Variants in HEBP2 observed in about 807,000 individuals in gnomAD.
HEBP2 encodes heme binding protein 2, also known as heme-binding protein 2.
A neutral mutation model predicts 23.1 loss-of-function variants in HEBP2; 27 were observed. That is an observed-to-expected ratio of 1.17 (90% CI 0.86 to 1.61). The LOEUF is 1.61. Among genes scored for constraint, HEBP2 ranks in the 40% most tolerant of loss-of-function variants. HEBP2 has a pLI of 0.00. For synonymous variants in HEBP2, 99 were observed against 95.1 expected (o/e 1.04, Z -0.24); for missense variants, 245 against 253.8 (o/e 0.97, Z 0.24).
At chr6:138,406,872 T>TACCA (rs1774654423) in intron 3 of HEBP2, among the ~76,000 whole-genome samples, 1 of 151,710 alleles carries the variant, frequency 6.6e-6, no homozygotes, top group Non-Finnish European at 1.5e-5. Flanking sequence ...ACCAAATGTA[T>TACCA]ATATATATAT....
chr6:138,413,749 G>C lies in HEBP2; in HGVS notation c.*671G>C, dbSNP rs145380714. ...TTCATTCTTTAACTCATTGTAGGGA[G>C]TCCCTGCTATGTTCCAAGCACTCTG... On this transcript the variant is annotated 3_prime_UTR_variant, in exon 4 of 4. Transcript: ENST00000607197. The C allele has an allele frequency of 6.6e-6, 1 of 152,362 alleles. No homozygotes were observed. The highest frequency in any genetic ancestry group is 1.9e-4 in the East Asian group (1 of 5,188). The allele number at this position is 152,362 out of a possible 1,614,324, so 9.4% of individuals were successfully genotyped here. A position where few individuals can be genotyped will look rare whatever the true frequency, so the allele number is the denominator to read the frequency against.
rs1774619494 is a variant in HEBP2 at position 138,405,126 on chromosome 6, T to C, written c.103-19T>C. 3 of 1,602,812 alleles carry C rather than the reference T, an allele frequency of 1.9e-6. No individual in the cohort carries two copies. In the African/African-American group the frequency reaches 4.1e-5, roughly 22 times the overall value. ...CCCTCTTAGAATTGCTTCTCGAAGT[T>C]TTCTCTGTTCCACTTTAGCCCGGAA... is the stretch of plus-strand genomic sequence containing the variant. On this transcript the variant is annotated intron_variant, in intron 1 of 3. Transcript: ENST00000607197.
Position 138,406,068 on chromosome 6 carries a change from C to G in HEBP2, c.336C>G (p.Pro112=), listed in dbSNP as rs374766027. The G allele has an allele frequency of 1.9e-6, 3 of 1,614,134 alleles. No individual in the cohort carries two copies. In the East Asian group the frequency reaches 6.7e-5, roughly 36 times the overall value. ...CCATTACCATTTCCCTGTATATTCC[C>G]TCTGAACAGCAATTTGATCCACCCA... is the stretch of plus-strand genomic sequence containing the variant. ...ESTITISLYI[P]SEQQFDPPRP... The change falls in exon 3 of 4, where the codon CCC becomes CCG. Residue 112 remains proline (P), a synonymous_variant. Transcript: ENST00000607197.
chr6:138,406,139 C>T lies in HEBP2; in HGVS notation c.407C>T (p.Thr136Ile). The T allele has an allele frequency of 6.2e-7, 1 of 1,613,892 alleles. No homozygotes were observed. Reference sequence around the variant, plus strand: ...TTCATTGAAGATAGAGCCGAAATGACTGTGTTTGTACGGTAAGTGGTAGAT... The same window carrying T: ...TTCATTGAAGATAGAGCCGAAATGATTGTGTTTGTACGGTAAGTGGTAGAT... ...DVFIEDRAEM[T>I]VFVRSFDGFS... The change falls in exon 3 of 4, where the codon ACT (threonine) becomes ATT (isoleucine). Residue 136 changes from threonine to isoleucine, a missense_variant. Physicochemically the swap from Thr to Ile is moderately conservative, Grantham distance 89 (BLOSUM62 -1). Transcript: ENST00000607197.
upstream of HEBP2, chr6:138,403,542 C>G: frequency 2.0e-6 from 1 of 487,930 alleles, no homozygotes; most frequent in Admixed American, 3.6e-5. Flanking sequence ...CCCGGAGAGC[C>G]TCGGAGCTCT....
rs1423691554 is a variant in HEBP2 at position 138,415,440 on chromosome 6, A to G, written c.*2362A>G. On this transcript the variant is annotated 3_prime_UTR_variant, in exon 4 of 4. Coordinates refer to ENST00000607197, the MANE Select transcript of HEBP2 (RefSeq NM_014320.3). ...TGGCATGCTGGTGCAGGGGAACGCA[A>G]TGACTGGTGGGTGATTTGGGTGTCT... The G allele has an allele frequency of 1.3e-5, 2 of 152,272 alleles. No individual in the cohort carries two copies. The highest frequency in any genetic ancestry group is 2.4e-5 in the African/African-American group (1 of 41,446). 9.4% of individuals were successfully genotyped at this position (152,272 alleles called of 1,614,324 possible). A position where few individuals can be genotyped will look rare whatever the true frequency, so the allele number is the denominator to read the frequency against.
intron 3 of HEBP2, 134 bp from the exon 4 acceptor site, chr6:138,412,746 G>A (rs1177297179): frequency 6.9e-6 from 5 of 724,560 alleles, no homozygotes; most frequent in Non-Finnish European, 9.2e-6. Context: ...GAGCCACCTC[G>A]CCTGGCCGAG....
chr6:138,404,543 G>A lies in HEBP2; in HGVS notation c.48G>A (p.Ala16=). 1 of 1,300,024 alleles carries A rather than the reference G, an allele frequency of 7.7e-7. No individual in the cohort carries two copies. The highest frequency in any genetic ancestry group is 2.2e-5 in the South Asian group (1 of 45,228). 80.5% of individuals were successfully genotyped at this position (1,300,024 alleles called of 1,614,324 possible). Residue 16 remains alanine (A), a synonymous_variant, in exon 1 of 4, where the codon GCG becomes GCA. Transcript: ENST00000607197. ...QPDPGAAEDA[A]AQAVETPGWK... ...ACCCCGGGGCGGCCGAGGACGCGGCGGCCCAAGCTGTGGAGACGCCGGGCT... is the reference window on the plus strand; with the variant it reads ...ACCCCGGGGCGGCCGAGGACGCGGCAGCCCAAGCTGTGGAGACGCCGGGCT...
chr6:138,405,859 TA>T, intron 2 of HEBP2, 111 bp from the exon 3 acceptor site: 2 of 884,378 alleles, frequency 2.3e-6, no homozygotes, highest in Non-Finnish European at 3.4e-6. Flanking sequence ...ATCTTAAAGG[TA>T]AATATGTCAA....
intron 3 of HEBP2, among the ~76,000 whole-genome samples, chr6:138,407,599 A>G (rs1583102789): frequency 6.6e-6 from 1 of 152,156 alleles, no homozygotes; most frequent in Non-Finnish European, 1.5e-5. Context: ...CGAATTGCAC[A>G]CCGGTGGCCC....
rs145774098 is a variant in HEBP2 at position 138,405,949 on chromosome 6, T to A, written c.239-22T>A. On this transcript the variant is annotated intron_variant, in intron 2 of 3. Transcript: ENST00000607197. The stretch of plus-strand genomic sequence containing the variant: ...AAAGCTGTCAAAAATACACTAAATT[T>A]GCTTTCATTTTTATGTCACAGAGAT... 802 of 1,597,720 alleles carry A rather than the reference T, an allele frequency of 5.0e-4. 8 individuals are homozygous for A. The East Asian group carries it at 0.016, about 31-fold the overall frequency.
At position 138,421,635 on chromosome 6, in the gene HEBP2, A is replaced by G. The variant is rs1457120845; in HGVS notation, c.*8557A>G. The G allele has an allele frequency of 2.0e-5, 3 of 152,232 alleles. No homozygotes were observed. The highest frequency in any genetic ancestry group is 7.2e-5 in the African/African-American group (3 of 41,466). 9.4% of individuals were successfully genotyped at this position (152,232 alleles called of 1,614,324 possible). Reference sequence around the variant, plus strand: ...TGTGGAGCTTTTTAAGATGCGGTCCATAACAGAAGCGGGCCCCAAGGAGTA... The same window carrying G: ...TGTGGAGCTTTTTAAGATGCGGTCCGTAACAGAAGCGGGCCCCAAGGAGTA... On this transcript the variant is annotated 3_prime_UTR_variant, in exon 4 of 4. Coordinates refer to ENST00000607197, the MANE Select transcript of HEBP2 (RefSeq NM_014320.3).
At position 138,415,989 on chromosome 6, in the gene HEBP2, A is replaced by AG. The variant is rs1470216095; in HGVS notation, c.*2911_*2912insG. The AG allele has an allele frequency of 6.6e-6, 1 of 152,228 alleles. No homozygotes were observed. Among genetic ancestry groups the AG allele is most frequent in the African/African-American group, 2.4e-5 (1 of 41,424 alleles). 9.4% of individuals were successfully genotyped at this position (152,228 alleles called of 1,614,324 possible). On this transcript the variant is annotated 3_prime_UTR_variant, in exon 4 of 4. Coordinates refer to ENST00000607197, the MANE Select transcript of HEBP2 (RefSeq NM_014320.3). ...ACTGGTCCCTCCCCTTCTCCTGGCT[A>AG]CCAGGCCTATAACGAGACTTAAGTC...
chr6:138,412,122 C>G (rs1438482675), intron 3 of HEBP2: 1 of 435,822 alleles, frequency 2.3e-6, no homozygotes, highest in Non-Finnish European at 4.6e-6. Flanking sequence ...AAAATCGAGT[C>G]TGGAAAAGGG....
chr6:138,421,998 A>G lies in HEBP2; in HGVS notation c.*8920A>G, dbSNP rs538386511. ...TCTGTATAAGAACACCTATCTCATT[A>G]TTCAAAAAAAATGCATGTATAAACA... On this transcript the variant is annotated 3_prime_UTR_variant, in exon 4 of 4. Transcript: ENST00000607197. 2 of 152,330 alleles carry G rather than the reference A, an allele frequency of 1.3e-5. No individual in the cohort carries two copies. The highest frequency in any genetic ancestry group is 6.5e-5 in the Admixed American group (1 of 15,306). The allele number at this position is 152,330 out of a possible 1,614,324, so 9.4% of individuals were successfully genotyped here.
intron 1 of HEBP2, 66 bp from the exon 2 acceptor site, chr6:138,405,079 G>T: frequency 6.4e-7 from 1 of 1,554,552 alleles, no homozygotes; most frequent in Non-Finnish European, 8.8e-7. Context: ...CATGGCACCG[G>T]TATTTTTGCA....
chr6:138,413,229 G>T lies in HEBP2; in HGVS notation c.*151G>T. On this transcript the variant is annotated 3_prime_UTR_variant, in exon 4 of 4. Coordinates refer to ENST00000607197, the MANE Select transcript of HEBP2 (RefSeq NM_014320.3). Reference sequence around the variant, plus strand: ...TTTCCAATGTGCCTTTTTAATGCTTGAAGTTTTATCTACATACACAGGTAA... The same window carrying T: ...TTTCCAATGTGCCTTTTTAATGCTTTAAGTTTTATCTACATACACAGGTAA... 1.6e-6 allele frequency: 1 copy of T among 633,104 alleles called. No individual in the cohort carries two copies. The highest frequency in any genetic ancestry group is 2.8e-6 in the Non-Finnish European group (1 of 362,952). 39.2% of individuals were successfully genotyped at this position (633,104 alleles called of 1,614,324 possible). A position where few individuals can be genotyped will look rare whatever the true frequency, so the allele number is the denominator to read the frequency against.
chr6:138,409,425 C>T (rs1217593415), intron 3 of HEBP2, among the ~76,000 whole-genome samples: 1 of 152,164 alleles, frequency 6.6e-6, no homozygotes, highest in African/African-American at 2.4e-5. Context: ...GGTTTTGTTC[C>T]CTCCTCTCTA....
Position 138,420,784 on chromosome 6 carries a change from TTCC to T in HEBP2, c.*7709_*7711del, listed in dbSNP as rs1265313157. On this transcript the variant is annotated 3_prime_UTR_variant, in exon 4 of 4. Transcript: ENST00000607197. ...GCCTGCTCTCCCTGCCTCGTCCTGC[TTCC>T]TCTTTTCCTTTCAAAGGTGCTTACT... is the stretch of plus-strand genomic sequence containing the variant. The T allele has an allele frequency of 6.6e-6, 1 of 152,270 alleles. No individual in the cohort carries two copies. Among genetic ancestry groups the T allele is most frequent in the Non-Finnish European group, 1.5e-5 (1 of 68,078 alleles). 9.4% of individuals were successfully genotyped at this position (152,270 alleles called of 1,614,324 possible).
Sources: allele counts gnomAD v4.1 joint callset (sites outside exome capture counted in the v4.1 genomes callset), GRCh38; gene constraint gnomAD v4.1.1; transcripts MANE v1.5; gene names NCBI Gene and HGNC (gene_info 2026-07-23, HGNC 2026-07-21).